CDKL5: variants seen among roughly 807,000 people sequenced by gnomAD.
The protein encoded by CDKL5 is cyclin-dependent kinase-like 5.
A neutral mutation model predicts 61.7 loss-of-function variants in CDKL5; 8 were observed. That is an observed-to-expected ratio of 0.13 (90% CI 0.08 to 0.23). The LOEUF (loss-of-function observed/expected upper bound fraction) is 0.23, where lower values mean the gene tolerates loss of function less well. CDKL5 is among the 10% of genes least tolerant of loss of function. The pLI is 1.00. For synonymous variants in CDKL5, 275 were observed against 272.3 expected (o/e 1.01, Z -0.10); for missense variants, 440 against 734.5 (o/e 0.60, Z 4.63).
At chrX:18,491,779 AAATT>A (rs995283888) in intron 1 of CDKL5, among the ~76,000 whole-genome samples, 10 of 112,002 alleles carry the variant, frequency 8.9e-5, no homozygotes, top group African/African-American at 2.9e-4. Flanking sequence ...GTTGGATAAT[AAATT>A]AATGATGACA....
intron 3 of CDKL5, among the ~76,000 whole-genome samples, chrX:18,548,743 T>C (rs146995690): frequency 0.02 from 2,272 of 111,821 alleles, 44 homozygotes; most frequent in African/African-American, 0.058. Flanking sequence ...TTAGCAGTGT[T>C]GTAGCCATTG....
intron 1 of CDKL5, among the ~76,000 whole-genome samples, chrX:18,454,732 T>A (rs1932102443): frequency 9.3e-6 from 1 of 107,556 alleles, no homozygotes; most frequent in African/African-American, 3.4e-5. Flanking sequence ...ATTTTTACAT[T>A]TTTAGTAGAG....
chrX:18,554,510 G>A (rs902335522), intron 3 of CDKL5, among the ~76,000 whole-genome samples: 3 of 105,861 alleles, frequency 2.8e-5, no homozygotes, highest in Non-Finnish European at 5.8e-5. Flanking sequence ...CCACCTTGCG[G>A]GTTCAAGTAA....
chrX:18,650,341 G>T, intron 20 of CDKL5: 1 of 1,052,494 alleles, frequency 9.5e-7, no homozygotes. Flanking sequence ...GCTTCAGCTG[G>T]TGTCTGGGAG....
Position 18,625,227 on chromosome X carries a change from A to G in CDKL5, c.2476A>G (p.Ile826Val). The G allele has an allele frequency of 3.3e-6, 4 of 1,209,317 alleles. No homozygotes were observed. Among genetic ancestry groups the G allele is most frequent in the Non-Finnish European group, 4.5e-6 (4 of 894,686 alleles). ...SRPKEWRPEKISDLQTQSQPL... is the reference protein window; with the variant it reads ...SRPKEWRPEKVSDLQTQSQPL... ...ACCAAAGGAGTGGCGCCCCGAGAAGATCTCAGATCTGCAGACCCAAGTGAG... is the reference window on the plus strand; with the variant it reads ...ACCAAAGGAGTGGCGCCCCGAGAAGGTCTCAGATCTGCAGACCCAAGTGAG... Residue 826 changes from isoleucine (I) to valine (V), a missense_variant, in exon 17 of 18, where the codon ATC becomes GTC. This residue lies in a region of CDKL5 where 363 missense variants were observed against 516.3 expected (regional missense o/e 0.70). Coordinates refer to ENST00000623535, the MANE Select transcript of CDKL5 (RefSeq NM_001323289.2).
chrX:18,648,148 G>C (rs980150271), intron 20 of CDKL5, among the ~76,000 whole-genome samples: 1 of 111,499 alleles, frequency 9.0e-6, no homozygotes. Context: ...GTTTCAGTGA[G>C]CCGAGGTGGT....
chrX:18,465,668 CAAATAAAT>C (rs781062425), intron 1 of CDKL5, among the ~76,000 whole-genome samples: 6 of 110,524 alleles, frequency 5.4e-5, no homozygotes, highest in Non-Finnish European at 7.6e-5. Flanking sequence ...GACTCTGTCT[CAAATAAAT>C]AAATAAATAA....
chrX:18,430,010 A>G (rs1931448602), intron 1 of CDKL5, among the ~76,000 whole-genome samples: 1 of 111,617 alleles, frequency 9.0e-6, no homozygotes, highest in Non-Finnish European at 1.9e-5. Flanking sequence ...TGCTTCTTGG[A>G]GTTCATGGGC....
chrX:18,613,334 A>C, intron 15 of CDKL5, 59 bp downstream of exon 15: 4 of 1,095,877 alleles, frequency 3.7e-6, no homozygotes, highest in Non-Finnish European at 5.0e-6. Context: ...TAAGAGTTGA[A>C]ATAAATTCTG....
chrX:18,535,794 G>T, intron 3 of CDKL5: 1 of 120,992 alleles, frequency 8.3e-6, no homozygotes, highest in South Asian at 3.1e-4. Context: ...TGAAGGATCA[G>T]GAGAGTGATA....
chrX:18,631,643 G>C lies in CDKL5; in HGVS notation c.*2886G>C. ...CCGTAACTTCCTAAAGAAGAAAAAG[G>C]GTGAATGAAAGCTTATGTTACTTTT... is the stretch of plus-strand genomic sequence containing the variant. On this transcript the variant is annotated 3_prime_UTR_variant, in exon 18 of 18. Transcript: ENST00000623535. 1.3e-6 allele frequency: 1 copy of C among 753,764 alleles called. No individual in the cohort carries two copies. The highest frequency in any genetic ancestry group is 1.6e-6 in the Non-Finnish European group (1 of 638,778). 62.1% of individuals were successfully genotyped at this position (753,764 alleles called of 1,213,427 possible). A position where few individuals can be genotyped will look rare whatever the true frequency, so the allele number is the denominator to read the frequency against.
At chrX:18,642,366 G>A (rs754351211), downstream of CDKL5, among the ~76,000 whole-genome samples, 6 of 111,657 alleles carry the variant, frequency 5.4e-5, no homozygotes, top group African/African-American at 2.0e-4. Context: ...CCAATAGGGT[G>A]GCCACTAGCC....
At chrX:18,506,562 A>C (rs1922586144) in intron 1 of CDKL5, among the ~76,000 whole-genome samples, 1 of 112,464 alleles carries the variant, frequency 8.9e-6, no homozygotes, top group South Asian at 3.6e-4. Context: ...GAACACACAC[A>C]AACAAGTTTC....
intron 3 of CDKL5, among the ~76,000 whole-genome samples, chrX:18,541,732 C>T (rs1336598808): frequency 9.0e-6 from 1 of 111,425 alleles, no homozygotes; most frequent in Admixed American, 9.5e-5. Flanking sequence ...GTTGCCCAGG[C>T]TCGTCTCCAA....
rs1171471447 is a variant in CDKL5 at position 18,633,208 on chromosome X, A to T, written c.*4451A>T. ...TGTGGGTTCTAAGATCCACAGACTCATACTTTTGTGAACTTTGGAATGTGG... is the reference window on the plus strand; with the variant it reads ...TGTGGGTTCTAAGATCCACAGACTCTTACTTTTGTGAACTTTGGAATGTGG... On this transcript the variant is annotated 3_prime_UTR_variant, in exon 18 of 18. Transcript: ENST00000623535. The T allele has an allele frequency of 1.3e-6, 1 of 754,753 alleles. No homozygotes were observed. Among genetic ancestry groups the T allele is most frequent in the Non-Finnish European group, 1.6e-6 (1 of 639,472 alleles). 62.2% of individuals were successfully genotyped at this position (754,753 alleles called of 1,213,427 possible). A position where few individuals can be genotyped will look rare whatever the true frequency, so the allele number is the denominator to read the frequency against.
At chrX:18,526,994 G>T (rs911036837) in intron 3 of CDKL5, among the ~76,000 whole-genome samples, 1 of 110,885 alleles carries the variant, frequency 9.0e-6, no homozygotes, top group African/African-American at 3.3e-5. Context: ...AGTTGGTCAG[G>T]CTGGTCTCGA....
At chrX:18,485,906 A>G (rs1360931155) in intron 1 of CDKL5, among the ~76,000 whole-genome samples, 1 of 111,278 alleles carries the variant, frequency 9.0e-6, no homozygotes, top group Non-Finnish European at 1.9e-5. Context: ...TTAAAAAGAG[A>G]GAGCGCAACA....
In CDKL5 at chrX:18,614,474, A is replaced by G. The variant is rs190305303; in HGVS notation, c.2276+1199A>G. On this transcript the variant is annotated intron_variant, in intron 15 of 17. Transcript: ENST00000623535. ...TGTCTATTTGTCTCTTGGTTTCCTCATGTGTAAAATAGGGCTAAGAATGGC... is the reference window on the plus strand; with the variant it reads ...TGTCTATTTGTCTCTTGGTTTCCTCGTGTGTAAAATAGGGCTAAGAATGGC... Among the ~76,000 whole-genome samples, 202 of 111,875 alleles carry G rather than the reference A, an allele frequency of 1.8e-3. 2 individuals carry two copies. The highest frequency in any genetic ancestry group is 3.4e-3 in the Admixed American group (36 of 10,518).
chrX:18,591,728 G>A (rs936316533), intron 9 of CDKL5, among the ~76,000 whole-genome samples: 12 of 111,213 alleles, frequency 1.1e-4, no homozygotes, highest in African/African-American at 3.9e-4. Flanking sequence ...TTTATAGTCT[G>A]CATTTCCATC....
Sources: gnomAD v4.1 joint callset for allele counts (sites outside exome capture counted in the v4.1 genomes callset) on GRCh38, gnomAD v4.1.1 for gene constraint, gnomAD v4.1.1 regional missense constraint, MANE v1.5 for transcripts, NCBI Gene and HGNC (gene_info 2026-07-23, HGNC 2026-07-21) for gene names.